Variants in KANK1 observed in about 807,000 individuals in gnomAD.
KANK1 encodes KN motif and ankyrin repeat domains 1.
Under a neutral mutation model 106.2 loss-of-function variants are expected in KANK1, and 109 were observed. The observed-to-expected ratio is 1.03, with a 90% CI of 0.88 to 1.20. The LOEUF (loss-of-function observed/expected upper bound fraction) is 1.20, where lower values mean the gene tolerates loss of function less well. Ranked by LOEUF, KANK1 falls within the 50% of genes most tolerant of loss-of-function variation. The probability of loss-of-function intolerance (pLI) is 0.00; values close to 1 mark genes in which losing one functional copy is unlikely to be tolerated. For missense variants in KANK1, 2,399 were observed against 1,710.7 expected (o/e 1.40, Z -7.10); for synonymous variants, 873 against 652.2 (o/e 1.34, Z -5.16).
intron 1 of KANK1, among the ~76,000 whole-genome samples, chr9:532,950 G>A (rs7023708): frequency 0.21 from 31,631 of 151,948 alleles, 3,681 homozygotes; most frequent in East Asian, 0.36. Flanking sequence ...CTTGGAGGCC[G>A]GGTGTTTTGC....
At chr9:604,924 A>C (rs1211315714) in intron 1 of KANK1, among the ~76,000 whole-genome samples, 1 of 151,928 alleles carries the variant, frequency 6.6e-6, no homozygotes, top group Non-Finnish European at 1.5e-5. Flanking sequence ...GCTCAGTCTC[A>C]GGTAGTTCTT....
chr9:611,406 G>A (rs1170223307), intron 1 of KANK1, among the ~76,000 whole-genome samples: 1 of 152,092 alleles, frequency 6.6e-6, no homozygotes, highest in Admixed American at 6.5e-5. Flanking sequence ...AAAAGTACAG[G>A]ACTCAAGTAA....
intron 1 of KANK1, among the ~76,000 whole-genome samples, chr9:599,799 C>T (rs1433960119): frequency 6.6e-6 from 1 of 151,798 alleles, no homozygotes; most frequent in African/African-American, 2.4e-5. Context: ...TACAGAACTT[C>T]AGTATGTGAG....
rs559283690 is a variant in KANK1, at chr9:533,305, G to T, written c.-84+28551G>T. Among the ~76,000 whole-genome samples, 3 of 152,272 alleles carry T rather than the reference G, an allele frequency of 2.0e-5. No homozygotes were observed. The South Asian group carries it at 6.2e-4, about 32-fold the overall frequency. On this transcript the variant is annotated intron_variant, in intron 1 of 11. Coordinates refer to ENST00000382297, the MANE Select transcript of KANK1 (RefSeq NM_015158.5). ...GCCTAGGTTAAGAGCATTAGTGTGG[G>T]TACAGAGTTTAGATTTGCCAGTTTG...
intron 2 of KANK1, chr9:470,800 C>T (rs756727611): frequency 3.3e-5 from 5 of 152,400 alleles, no homozygotes; most frequent in African/African-American, 9.6e-5. Flanking sequence ...TCCCACCACT[C>T]ATTGGCCTTT....
At chr9:607,017 G>A (rs541531787) in intron 1 of KANK1, among the ~76,000 whole-genome samples, 20 of 151,730 alleles carry the variant, frequency 1.3e-4, no homozygotes, top group African/African-American at 4.6e-4. Flanking sequence ...GAAAACTGTG[G>A]GACTGGGACT....
intron 3 of KANK1, among the ~76,000 whole-genome samples, chr9:490,086 A>G (rs892399323): frequency 6.6e-6 from 1 of 152,216 alleles, no homozygotes; most frequent in African/African-American, 2.4e-5. Context: ...GAAATAGGCT[A>G]TTACTTGGCC....
At chr9:624,028 A>T (rs1371331445) in intron 1 of KANK1, among the ~76,000 whole-genome samples, 2 of 152,232 alleles carry the variant, frequency 1.3e-5, no homozygotes, top group African/African-American at 4.8e-5. Context: ...ATATATATAC[A>T]GGATAGAATA....
intron 1 of KANK1, among the ~76,000 whole-genome samples, chr9:651,557 C>G (rs530054613): frequency 6.6e-6 from 1 of 152,304 alleles, no homozygotes; most frequent in South Asian, 2.1e-4. Context: ...AATGCTTGTT[C>G]GTTCCACAAG....
At chr9:541,073 T>C (rs983151447) in intron 1 of KANK1, among the ~76,000 whole-genome samples, 10 of 152,276 alleles carry the variant, frequency 6.6e-5, no homozygotes, top group Non-Finnish European at 1.3e-4. Context: ...GTAAACTTCC[T>C]TGTAGTGCTG....
chr9:607,568 G>A (rs557792849), intron 1 of KANK1, among the ~76,000 whole-genome samples: 5 of 150,964 alleles, frequency 3.3e-5, no homozygotes, highest in African/African-American at 1.2e-4. Flanking sequence ...GGGCTTGTTG[G>A]TTCTTGTGCA....
chr9:644,231 G>A (rs2137268791), intron 1 of KANK1, among the ~76,000 whole-genome samples: 1 of 151,026 alleles, frequency 6.6e-6, no homozygotes, highest in East Asian at 1.9e-4. Flanking sequence ...CCGAACTATA[G>A]TGTCTTCTGG....
intron 1 of KANK1, among the ~76,000 whole-genome samples, chr9:630,108 C>T (rs986756464): frequency 2.0e-5 from 3 of 151,890 alleles, no homozygotes; most frequent in African/African-American, 2.4e-5. Context: ...AATTAGCAGA[C>T]GTGGTGGCAT....
intron 1 of KANK1, among the ~76,000 whole-genome samples, chr9:602,088 A>G (rs1288443174): frequency 6.6e-6 from 1 of 151,856 alleles, no homozygotes; most frequent in Non-Finnish European, 1.5e-5. Context: ...AAATCAATGC[A>G]CATACCCTGT....
In KANK1 at chr9:526,479, G is replaced by A. The variant is rs565517156; in HGVS notation, c.-84+21725G>A. On this transcript the variant is annotated intron_variant, in intron 1 of 11. Coordinates refer to ENST00000382297, the MANE Select transcript of KANK1 (RefSeq NM_015158.5). ...TGTAATCCCAACACTTTGGGAGGCC[G>A]AGGCTGGAGGATTGCTTGAGGCCAT... Among the ~76,000 whole-genome samples, 11 of 151,874 alleles carry A rather than the reference G, an allele frequency of 7.2e-5. 1 individual carries two copies. Among genetic ancestry groups the A allele is most frequent in the Non-Finnish European group, 1.2e-4 (8 of 68,024 alleles).
chr9:648,097 G>A (rs574139098), intron 1 of KANK1, among the ~76,000 whole-genome samples: 8 of 146,596 alleles, frequency 5.5e-5, no homozygotes, highest in Non-Finnish European at 1.0e-4. Context: ...TCCGCATCCC[G>A]GGTTCAAGCA....
At chr9:707,181 C>A (rs1206066327) in intron 2 of KANK1, 23 of 985,660 alleles carry the variant, frequency 2.3e-5, no homozygotes, top group African/African-American at 3.5e-5. Context: ...GAGGCCGGGT[C>A]CGGCTGAGCT....
At chr9:645,962 T>A (rs961288096) in intron 1 of KANK1, among the ~76,000 whole-genome samples, 1 of 151,014 alleles carries the variant, frequency 6.6e-6, no homozygotes, top group East Asian at 1.9e-4. Context: ...CAAACACTTA[T>A]TGAATGCTTA....
At chr9:627,026 T>C (rs1401550377) in intron 1 of KANK1, among the ~76,000 whole-genome samples, 1 of 151,714 alleles carries the variant, frequency 6.6e-6, no homozygotes, top group East Asian at 1.9e-4. Context: ...TTTGATTTGC[T>C]CTTTTCTTGT....
Sources: allele counts gnomAD v4.1 joint callset (sites outside exome capture counted in the v4.1 genomes callset), GRCh38; gene constraint gnomAD v4.1.1; transcripts MANE v1.5; gene names NCBI Gene and HGNC (gene_info 2026-07-23, HGNC 2026-07-21).